The following PTGS1 variants were observed in gnomAD, a reference collection of about 807,000 sequenced individuals.
PTGS1 encodes prostaglandin-endoperoxide synthase 1.
In PTGS1, 40 loss-of-function variants were observed where a neutral mutation model predicts 63.0. The observed-to-expected ratio is 0.63, with a 90% CI of 0.49 to 0.83. The LOEUF (loss-of-function observed/expected upper bound fraction) is 0.83, where lower values mean the gene tolerates loss of function less well. PTGS1 is among the 40% of genes least tolerant of loss of function. The pLI, the probability that PTGS1 is intolerant of heterozygous loss-of-function variation, is 0.00. For synonymous variants in PTGS1, 298 were observed against 301.9 expected, an observed-to-expected ratio of 0.99 and a Z score of 0.13; for missense variants, 709 against 786.5, an observed-to-expected ratio of 0.90 and a Z score of 1.18.
chr9:122,385,608 G>A (rs905287383), intron 8 of PTGS1, among the ~76,000 whole-genome samples: 7 of 151,974 alleles, frequency 4.6e-5, no homozygotes, highest in Non-Finnish European at 1.0e-4. Context: ...GAACATATAG[G>A]AAATATGTTT....
At chr9:122,385,906 T>G (rs2119167550) in intron 8 of PTGS1, among the ~76,000 whole-genome samples, 1 of 152,318 alleles carries the variant, frequency 6.6e-6, no homozygotes, top group Middle Eastern at 3.4e-3. Flanking sequence ...TAGCTGGTGC[T>G]CTTGTCTTGA....
Position 122,386,609 on chromosome 9 carries a change from T to C in PTGS1, c.1173T>C (p.Pro391=), listed in dbSNP as rs1404257203. 6.2e-6 allele frequency: 10 copies of C among 1,614,236 alleles called. No homozygotes were observed. The highest frequency in any genetic ancestry group is 8.5e-6 in the Non-Finnish European group (10 of 1,180,042). Reference sequence around the variant, plus strand: ...TCTACCACTGGCACCCCCTCATGCCTGACTCCTTCAAGGTGGGCTCCCAGG... The same window carrying C: ...TCTACCACTGGCACCCCCTCATGCCCGACTCCTTCAAGGTGGGCTCCCAGG... ...NHLYHWHPLM[P]DSFKVGSQEY... is the part of the protein sequence containing the mutation. Residue 391 remains proline (P), a synonymous_variant, in exon 9 of 11, where the codon CCT becomes CCC. Transcript: ENST00000362012.
intron 3 of PTGS1, among the ~76,000 whole-genome samples, 158 bp downstream of exon 3, chr9:122,378,173 G>T (rs1322322792): frequency 1.3e-5 from 2 of 152,018 alleles, no homozygotes; most frequent in African/African-American, 2.4e-5. Context: ...GCTTCAGCAT[G>T]AGCTCTCGCT....
rs1193056760 is a variant in PTGS1, at chr9:122,377,250, G to A, written c.95-649G>A. Among the ~76,000 whole-genome samples the A allele has an allele frequency of 7.9e-5, 12 of 152,328 alleles. No homozygotes were observed. In the East Asian group the frequency reaches 2.3e-3, roughly 29 times the overall value. On this transcript the variant is annotated intron_variant, in intron 2 of 10. Transcript: ENST00000362012. ...GCTGTGGGGGTGGAGTGGAAGTGAA[G>A]GGATGGGCATTTGGTCTGGTGAGAC...
intron 8 of PTGS1, 42 bp downstream of exon 8, chr9:122,383,797 T>C: frequency 6.3e-7 from 1 of 1,585,810 alleles, no homozygotes. Context: ...GGTCATTCCC[T>C]CCATCCTGAG....
chr9:122,385,580 A>T (rs533115265), intron 8 of PTGS1, among the ~76,000 whole-genome samples: 31 of 152,094 alleles, frequency 2.0e-4, no homozygotes, highest in African/African-American at 7.5e-4. Context: ...ACTTATTTAT[A>T]AGAATCCTGT....
chr9:122,381,308 A>G, intron 5 of PTGS1, 63 bp from the exon 6 acceptor site: 1 of 1,535,424 alleles, frequency 6.5e-7, no homozygotes, highest in South Asian at 1.2e-5. Flanking sequence ...GTGAGCCCAG[A>G]TGTCCCCAGG....
intron 2 of PTGS1, among the ~76,000 whole-genome samples, chr9:122,372,200 C>A (rs944494367): frequency 3.3e-5 from 5 of 152,100 alleles, no homozygotes; most frequent in African/African-American, 9.7e-5. Flanking sequence ...CAGGAGGGAG[C>A]AGAGGGAGTC....
intron 9 of PTGS1, among the ~76,000 whole-genome samples, chr9:122,389,232 C>A (rs1838058428): frequency 6.7e-6 from 1 of 149,234 alleles, no homozygotes; most frequent in African/African-American, 2.5e-5. Context: ...CTCACTGTAA[C>A]CTCTATCTCC....
chr9:122,371,256 A>G lies in PTGS1; in HGVS notation c.78A>G (p.Pro26=). 6.2e-7 allele frequency: 1 copy of G among 1,605,930 alleles called. No individual in the cohort carries two copies. ...CGCTCCCCGTCCTGCTCGCGGACCC[A>G]GGGGCGCCCACGCCAGGTAGGCGGC... is the stretch of plus-strand genomic sequence containing the variant. ...LPPLPVLLAD[P]GAPTPVNPCC... is the part of the protein sequence containing the mutation. Residue 26 remains proline, a synonymous_variant, in exon 2 of 11, where the codon CCA becomes CCG. Transcript: ENST00000362012.
At chr9:122,378,392 G>C in intron 3 of PTGS1, 41 bp from the exon 4 acceptor site, 1 of 1,609,510 alleles carries the variant, frequency 6.2e-7, no homozygotes, top group Non-Finnish European at 8.5e-7. Flanking sequence ...TTCTGGTTCT[G>C]GTAGGAGGGA....
In PTGS1 at chr9:122,377,952, G is replaced by C. The variant is rs201276316; in HGVS notation, c.148G>C (p.Gly50Arg). The C allele has an allele frequency of 6.2e-7, 1 of 1,614,026 alleles. No individual in the cohort carries two copies. The highest frequency in any genetic ancestry group is 8.5e-7 in the Non-Finnish European group (1 of 1,180,028). The change falls in exon 3 of 11, where the codon GGC becomes CGC. Residue 50 changes from glycine (G) to arginine (R), a missense_variant. By Grantham distance (125) the Gly-to-Arg change is moderately radical (BLOSUM62 -2). Transcript: ENST00000362012. Reference sequence around the variant, plus strand: ...GCACCAGGGCATCTGTGTCCGCTTCGGCCTTGACCGCTACCAGTGTGACTG... The same window carrying C: ...GCACCAGGGCATCTGTGTCCGCTTCCGCCTTGACCGCTACCAGTGTGACTG... ...CQHQGICVRFGLDRYQCDCTR... is the reference protein window; with the variant it reads ...CQHQGICVRFRLDRYQCDCTR...
intron 2 of PTGS1, chr9:122,371,728 G>A: frequency 4.0e-6 from 6 of 1,517,944 alleles, no homozygotes; most frequent in Non-Finnish European, 5.3e-6. Flanking sequence ...GTCTCCCCTG[G>A]TGAAGACTTC....
At chr9:122,390,401 CA>C in intron 10 of PTGS1, 56 bp downstream of exon 10, 1 of 1,578,240 alleles carries the variant, frequency 6.3e-7, no homozygotes, top group Non-Finnish European at 8.7e-7. Context: ...GCAGCAAAGT[CA>C]GGGAGACATC....
intron 7 of PTGS1, among the ~76,000 whole-genome samples, chr9:122,383,193 T>A (rs1356900794): frequency 7.4e-6 from 1 of 135,686 alleles, no homozygotes; most frequent in Non-Finnish European, 1.5e-5. Context: ...TTTTTTTTTT[T>A]AAGTTTTTTT....
At chr9:122,377,001 T>A (rs1837207695) in intron 2 of PTGS1, among the ~76,000 whole-genome samples, 1 of 152,192 alleles carries the variant, frequency 6.6e-6, no homozygotes, top group African/African-American at 2.4e-5. Context: ...CAGAGCTCCA[T>A]GCACCCTCCC....
chr9:122,388,639 T>C, intron 9 of PTGS1, among the ~76,000 whole-genome samples: 1 of 152,208 alleles, frequency 6.6e-6, no homozygotes, highest in East Asian at 1.9e-4. Context: ...GAAGTCTGAA[T>C]TCAAGGTGTC....
At chr9:122,382,215 T>A (rs1172730225) in intron 7 of PTGS1, among the ~76,000 whole-genome samples, 2 of 152,218 alleles carry the variant, frequency 1.3e-5, no homozygotes, top group Non-Finnish European at 1.5e-5. Context: ...AATTTTCTAA[T>A]GTCCATATTA....
chr9:122,395,261 G>C lies in PTGS1; in HGVS notation c.*2717G>C, dbSNP rs528305071. ...ATGAAAGTTTTGCAAAGGGAAACAG[G>C]CTAAATGCACCAAGAAAGCTTCTTC... On this transcript the variant is annotated 3_prime_UTR_variant, in exon 11 of 11. Coordinates refer to ENST00000362012, the MANE Select transcript of PTGS1 (RefSeq NM_000962.4). 2.6e-5 allele frequency: 4 copies of C among 152,220 alleles called. 1 individual carries two copies. Among genetic ancestry groups the C allele is most frequent in the African/African-American group, 9.7e-5 (4 of 41,448 alleles). The allele number at this position is 152,220 out of a possible 1,614,324, so 9.4% of individuals were successfully genotyped here.
Sources: allele counts gnomAD v4.1 joint callset (sites outside exome capture counted in the v4.1 genomes callset), GRCh38; gene constraint gnomAD v4.1.1; transcripts MANE v1.5; gene names NCBI Gene and HGNC (gene_info 2026-07-23, HGNC 2026-07-21).